Variants in CA10 observed in about 807,000 individuals in gnomAD.
CA10 encodes carbonic anhydrase 10 (inactive), also known as carbonic anhydrase-related protein 10.
Under a neutral mutation model 44.2 loss-of-function variants are expected in CA10, and 14 were observed. The ratio of observed to expected loss-of-function variants is 0.32; its 90% CI spans 0.21 to 0.50. The LOEUF (loss-of-function observed/expected upper bound fraction) is 0.50, where lower values mean the gene tolerates loss of function less well. Ranked by LOEUF, CA10 falls within the 20% of genes least tolerant of loss-of-function variation. The pLI, the probability that CA10 is intolerant of heterozygous loss-of-function variation, is 0.99. For synonymous variants in CA10, 159 were observed against 141.6 expected (o/e 1.12, Z -0.87); for missense variants, 350 against 409.7 (o/e 0.85, Z 1.26).
chr17:51,695,450 G>C (rs1486949549), intron 4 of CA10, among the ~76,000 whole-genome samples: 2 of 152,056 alleles, frequency 1.3e-5, no homozygotes, highest in African/African-American at 4.8e-5. Flanking sequence ...GAGGGATTGT[G>C]TTCTTGATTT....
At chr17:51,783,494 T>G (rs1280513731) in intron 3 of CA10, among the ~76,000 whole-genome samples, 1 of 152,208 alleles carries the variant, frequency 6.6e-6, no homozygotes, top group African/African-American at 2.4e-5. Flanking sequence ...GCTTTCCCAT[T>G]ATTGCTGATT....
intron 3 of CA10, among the ~76,000 whole-genome samples, chr17:51,829,934 C>CA (rs1206241766): frequency 7.9e-5 from 12 of 152,226 alleles, no homozygotes; most frequent in African/African-American, 2.9e-4. Flanking sequence ...CGCGGTGGCT[C>CA]ACGCCTGTAA....
chr17:51,846,010 G>A (rs1978478223), intron 3 of CA10, among the ~76,000 whole-genome samples: 1 of 152,220 alleles, frequency 6.6e-6, no homozygotes, highest in African/African-American at 2.4e-5. Context: ...TGGTCTCCCT[G>A]ATCCCTCGAG....
intron 4 of CA10, among the ~76,000 whole-genome samples, chr17:51,656,224 G>A (rs939981150): frequency 6.6e-6 from 1 of 152,180 alleles, no homozygotes; most frequent in Non-Finnish European, 1.5e-5. Flanking sequence ...AACAGAGGAG[G>A]GACATGAAAG....
intron 2 of CA10, among the ~76,000 whole-genome samples, chr17:51,936,079 A>G (rs1445734469): frequency 6.6e-6 from 1 of 152,170 alleles, no homozygotes; most frequent in Admixed American, 6.5e-5. Flanking sequence ...GCTAAGTCCT[A>G]TGGCAACAAG....
chr17:51,784,279 A>G (rs1001718352), intron 3 of CA10, among the ~76,000 whole-genome samples: 8 of 152,088 alleles, frequency 5.3e-5, no homozygotes, highest in African/African-American at 1.9e-4. Context: ...GGAGCACGCC[A>G]TCCAGCTGCT....
intron 3 of CA10, among the ~76,000 whole-genome samples, chr17:51,904,326 T>G (rs1981449174): frequency 6.6e-6 from 1 of 152,098 alleles, no homozygotes; most frequent in South Asian, 2.1e-4. Context: ...ATCAGAGATC[T>G]TTCTAATTCC....
In CA10 at chr17:51,693,927, G is replaced by A. The variant is rs144407622; in HGVS notation, c.466-40191C>T. 3.1e-3 allele frequency among the ~76,000 whole-genome samples: 476 copies of A among 152,240 alleles called. 4 individuals are homozygous for A. The highest frequency in any genetic ancestry group is 0.011 in the African/African-American group (450 of 41,540). ...TTCTTTAAGAAATTCACCCCCGGCTGGACACAGTGGCTCACACCTGTAATT... is the reference window on the plus strand; with the variant it reads ...TTCTTTAAGAAATTCACCCCCGGCTAGACACAGTGGCTCACACCTGTAATT... On this transcript the variant is annotated intron_variant, in intron 4 of 8. Transcript: ENST00000451037.
chr17:52,038,393 GC>G (rs1986677180), intron 2 of CA10, among the ~76,000 whole-genome samples: 1 of 152,092 alleles, frequency 6.6e-6, no homozygotes, highest in Non-Finnish European at 1.5e-5. Context: ...ACCAATTTTT[GC>G]CCAAATAGAG....
intron 4 of CA10, among the ~76,000 whole-genome samples, chr17:51,674,607 A>G (rs1350517837): frequency 6.6e-6 from 1 of 152,240 alleles, no homozygotes; most frequent in East Asian, 1.9e-4. Context: ...TATCTGCATT[A>G]TACTAATTAA....
intron 3 of CA10, among the ~76,000 whole-genome samples, chr17:51,929,511 C>T (rs554084753): frequency 7.9e-4 from 121 of 152,252 alleles, no homozygotes; most frequent in African/African-American, 2.8e-3. Flanking sequence ...CATTCTGGAA[C>T]TCAGGCACCA....
intron 2 of CA10, among the ~76,000 whole-genome samples, chr17:52,006,833 A>G (rs995077492): frequency 6.6e-6 from 1 of 151,806 alleles, no homozygotes; most frequent in African/African-American, 2.4e-5. Flanking sequence ...TTTAATTAGA[A>G]TATTACTAAG....
At chr17:51,803,659 G>A (rs930359825) in intron 3 of CA10, among the ~76,000 whole-genome samples, 8 of 152,216 alleles carry the variant, frequency 5.3e-5, no homozygotes, top group Admixed American at 1.3e-4. Context: ...AGGAGCATAA[G>A]GCTATCCTCT....
At chr17:51,671,919 T>G (rs990506861) in intron 4 of CA10, among the ~76,000 whole-genome samples, 2 of 152,242 alleles carry the variant, frequency 1.3e-5, no homozygotes, top group Admixed American at 1.3e-4. Context: ...CAATGATAGC[T>G]TCTCTGCTTG....
At chr17:51,915,549 T>A (rs1220811671) in intron 3 of CA10, among the ~76,000 whole-genome samples, 1 of 152,218 alleles carries the variant, frequency 6.6e-6, no homozygotes, top group Admixed American at 6.5e-5. Context: ...ACAGTTTGAC[T>A]ATATTAATAA....
At position 51,733,376 on chromosome 17, in the gene CA10, A is replaced by T. The variant is rs545865667; in HGVS notation, c.465+14257T>A. ...CGTCTCGTTTCCAGTTTGAGAAGGC[A>T]GGGAGGCTGGGAAGCTGAAAAGCAC... On this transcript the variant is annotated intron_variant, in intron 4 of 8. Transcript: ENST00000451037. 2.0e-5 allele frequency among the ~76,000 whole-genome samples: 3 copies of T among 152,272 alleles called. No individual in the cohort carries two copies. The East Asian group carries it at 5.8e-4, about 29-fold the overall frequency.
intron 1 of CA10, among the ~76,000 whole-genome samples, chr17:52,093,624 A>G (rs998912339): frequency 2.0e-5 from 3 of 152,168 alleles, no homozygotes; most frequent in Admixed American, 6.5e-5. Flanking sequence ...TAAGAGAACC[A>G]TACTTTTGTG....
At chr17:52,060,827 A>G (rs1160282512) in intron 2 of CA10, among the ~76,000 whole-genome samples, 1 of 152,320 alleles carries the variant, frequency 6.6e-6, no homozygotes, top group African/African-American at 2.4e-5. Flanking sequence ...TGGATTAGAA[A>G]TGTGCTTATT....
In CA10 at chr17:51,955,874, GC is replaced by G. The variant is rs574899681; in HGVS notation, c.137-24743del. ...GAGAGCATTAGGACAAATACCTAATGCATGCGGGGCTTAAAACCTAGATGAC... is the reference window on the plus strand; with the variant it reads ...GAGAGCATTAGGACAAATACCTAATGATGCGGGGCTTAAAACCTAGATGAC... On this transcript the variant is annotated intron_variant, in intron 2 of 8. Transcript: ENST00000451037. 4.2e-4 allele frequency among the ~76,000 whole-genome samples: 64 copies of G among 152,050 alleles called. 1 individual carries two copies. The highest frequency in any genetic ancestry group is 2.0e-3 in the Admixed American group (30 of 15,262).
Sources: gnomAD v4.1 joint callset for allele counts (sites outside exome capture counted in the v4.1 genomes callset) on GRCh38, gnomAD v4.1.1 for gene constraint, MANE v1.5 for transcripts, NCBI Gene and HGNC (gene_info 2026-07-23, HGNC 2026-07-21) for gene names.